The following GRB2 variants were observed in gnomAD, a reference collection of about 807,000 sequenced individuals.
The protein encoded by GRB2 is growth factor receptor bound protein 2.
GRB2 carries 2 observed loss-of-function variants against 27.4 expected under a neutral mutation model. The ratio of observed to expected loss-of-function variants is 0.07; its 90% CI spans 0.03 to 0.23. The LOEUF (loss-of-function observed/expected upper bound fraction) is 0.23, where lower values mean the gene tolerates loss of function less well. GRB2 is among the 10% of genes least tolerant of loss of function. The pLI is 1.00. For missense variants in GRB2, 102 were observed against 282.4 expected, an observed-to-expected ratio of 0.36 and a Z score of 4.58; for synonymous variants, 94 against 99.6, an observed-to-expected ratio of 0.94 and a Z score of 0.33.
At chr17:75,366,363 A>C (rs2078819350) in intron 2 of GRB2, among the ~76,000 whole-genome samples, 1 of 152,180 alleles carries the variant, frequency 6.6e-6, no homozygotes, top group Non-Finnish European at 1.5e-5. Context: ...CTAAAAGGCA[A>C]GTTATATACA....
At chr17:75,323,635 A>C (rs1256685214) in intron 4 of GRB2, among the ~76,000 whole-genome samples, 1 of 152,160 alleles carries the variant, frequency 6.6e-6, no homozygotes, top group African/African-American at 2.4e-5. Flanking sequence ...TGGAAGTTTG[A>C]GAGTTTCTGC....
chr17:75,389,835 A>G (rs955380872), intron 2 of GRB2, among the ~76,000 whole-genome samples: 3 of 152,016 alleles, frequency 2.0e-5, no homozygotes, highest in African/African-American at 7.3e-5. Context: ...ACAGAGCGAG[A>G]CTCCATCTCA....
chr17:75,387,331 C>T (rs1400090009), intron 2 of GRB2, among the ~76,000 whole-genome samples: 1 of 151,720 alleles, frequency 6.6e-6, no homozygotes, highest in Non-Finnish European at 1.5e-5. Context: ...GTAGCACGTG[C>T]CTGTAGTCCC....
At chr17:75,404,883 C>G (rs1363104012) in intron 1 of GRB2, 1 of 152,264 alleles carries the variant, frequency 6.6e-6, no homozygotes, top group African/African-American at 2.4e-5. Flanking sequence ...TACCAGCGCC[C>G]GCTCTCGCCG....
rs187143551 is a variant in GRB2 at position 75,320,767 on chromosome 17, A to G, written c.469-214T>C. ...TGTGATATTTCCCAGTGCTCAGAAA[A>G]TATTAGAGTATGTCTCCCAGAGGAG... On this transcript the variant is annotated intron_variant, in intron 5 of 5. Coordinates refer to ENST00000316804, the MANE Select transcript of GRB2 (RefSeq NM_002086.5). The surrounding 1 kb of genome is among the most constrained non-coding windows in gnomAD (Gnocchi z 4.3). Among the ~76,000 whole-genome samples, 27 of 152,194 alleles carry G rather than the reference A, an allele frequency of 1.8e-4. No homozygotes were observed. Among genetic ancestry groups the G allele is most frequent in the Admixed American group, 3.9e-4 (6 of 15,272 alleles).
chr17:75,335,571 C>T (rs565463413), intron 2 of GRB2, among the ~76,000 whole-genome samples: 25 of 152,076 alleles, frequency 1.6e-4, no homozygotes, highest in Middle Eastern at 3.2e-3. Context: ...AGAGGGTATG[C>T]CCTGCAGAGC....
chr17:75,333,432 A>G (rs1434232687), intron 2 of GRB2, among the ~76,000 whole-genome samples: 1 of 152,128 alleles, frequency 6.6e-6, no homozygotes, highest in East Asian at 1.9e-4. Flanking sequence ...GAGGTTCTGG[A>G]AAATGGCAAA....
chr17:75,360,656 A>G (rs1337648777), intron 2 of GRB2, among the ~76,000 whole-genome samples: 1 of 152,258 alleles, frequency 6.6e-6, no homozygotes, highest in Non-Finnish European at 1.5e-5. Flanking sequence ...AAGGACACAC[A>G]GGGACCTTGT....
intron 2 of GRB2, among the ~76,000 whole-genome samples, chr17:75,366,181 T>C (rs959641304): frequency 2.0e-5 from 3 of 152,006 alleles, no homozygotes; most frequent in South Asian, 2.1e-4. Context: ...AAAAAAATCA[T>C]GGAGATGCTG....
chr17:75,354,243 T>A (rs1330085005), intron 2 of GRB2, among the ~76,000 whole-genome samples: 1 of 129,310 alleles, frequency 7.7e-6, no homozygotes, highest in Non-Finnish European at 1.7e-5. Context: ...ACAAGCAAAG[T>A]TTATTCATGG....
At chr17:75,385,029 C>CAAAAAAAA (rs58860615) in intron 2 of GRB2, among the ~76,000 whole-genome samples, 2 of 55,324 alleles carry the variant, frequency 3.6e-5, no homozygotes, top group African/African-American at 9.4e-5. Flanking sequence ...CTGGCTCTAC[C>CAAAAAAAA]AAAAAAAAAA....
intron 2 of GRB2, among the ~76,000 whole-genome samples, chr17:75,392,854 AG>A (rs1174433350): frequency 5.9e-5 from 9 of 152,232 alleles, no homozygotes; most frequent in African/African-American, 2.2e-4. Context: ...GCTCAAAATA[AG>A]CTGCACATGG....
At chr17:75,342,565 G>A (rs772645989) in intron 2 of GRB2, among the ~76,000 whole-genome samples, 5 of 151,978 alleles carry the variant, frequency 3.3e-5, no homozygotes, top group Admixed American at 6.6e-5. Context: ...CCACCGCACC[G>A]TCAATTTATA....
chr17:75,337,895 CTA>C (rs2078590084), intron 2 of GRB2, among the ~76,000 whole-genome samples: 1 of 124,482 alleles, frequency 8.0e-6, no homozygotes, highest in African/African-American at 3.3e-5. Flanking sequence ...ACTACTACTA[CTA>C]CTACTATTAT....
chr17:75,391,937 G>A (rs1236703966), intron 2 of GRB2, among the ~76,000 whole-genome samples: 2 of 152,086 alleles, frequency 1.3e-5, no homozygotes, highest in Non-Finnish European at 2.9e-5. Context: ...CAGCCTTCTA[G>A]GTTCAAGTTT....
At chr17:75,322,828 C>T (rs1001714590) in intron 4 of GRB2, among the ~76,000 whole-genome samples, 16 of 147,630 alleles carry the variant, frequency 1.1e-4, no homozygotes, top group African/African-American at 3.7e-4. Flanking sequence ...CGGGCACTCT[C>T]GGCATTCTCG....
chr17:75,365,708 A>T (rs1357681159), intron 2 of GRB2, among the ~76,000 whole-genome samples: 1 of 152,212 alleles, frequency 6.6e-6, no homozygotes, highest in African/African-American at 2.4e-5. Flanking sequence ...TGAAAGAAAA[A>T]AAACCGCCAG....
At chr17:75,385,854 T>C (rs1481256091) in intron 2 of GRB2, among the ~76,000 whole-genome samples, 2 of 152,208 alleles carry the variant, frequency 1.3e-5, no homozygotes, top group African/African-American at 2.4e-5. Context: ...TTGATACAGA[T>C]CAACGTTAAC....
chr17:75,396,788 T>C (rs2079031594), intron 1 of GRB2, among the ~76,000 whole-genome samples: 3 of 152,166 alleles, frequency 2.0e-5, no homozygotes. Context: ...CGAGACTATG[T>C]ATTAGTGATA....
Sources: gnomAD v4.1 joint callset for allele counts (sites outside exome capture counted in the v4.1 genomes callset) on GRCh38, gnomAD v4.1.1 for gene constraint, Gnocchi (gnomAD v3.1) non-coding constraint, MANE v1.5 for transcripts, NCBI Gene and HGNC (gene_info 2026-07-23, HGNC 2026-07-21) for gene names.